Variants in HDAC4 observed in about 807,000 individuals in gnomAD.
HDAC4 encodes the protein histone deacetylase A.
In HDAC4, 16 loss-of-function variants were observed where a neutral mutation model predicts 135.1. The observed-to-expected ratio is 0.12, with a 90% CI of 0.08 to 0.18. The LOEUF (loss-of-function observed/expected upper bound fraction) is 0.18. Ranked by LOEUF, HDAC4 falls within the 10% of genes least tolerant of loss-of-function variation. The probability of loss-of-function intolerance (pLI) is 1.00; values close to 1 mark genes in which losing one functional copy is unlikely to be tolerated. For missense variants in HDAC4, 1,143 were observed against 1,511.8 expected (o/e 0.76, Z 4.05); for synonymous variants, 685 against 653.4 (o/e 1.05, Z -0.74).
rs1175304628 is a variant in HDAC4 at position 239,066,809 on chromosome 2, C to T, written c.2916G>A (p.Arg972=). 2 of 1,613,368 alleles carry T rather than the reference C, an allele frequency of 1.2e-6. No individual in the cohort carries two copies. The highest frequency in any genetic ancestry group is 2.7e-5 in the African/African-American group (2 of 74,922). The change falls in exon 24 of 27, where the codon CGG becomes CGA. Residue 972 remains arginine (R), a synonymous_variant. Transcript: ENST00000543185. ...TKQLMGLAGG[R]IVLALEGGHD... ...GGCCTCCCTCGAGGGCCAGGACAAT[C>T]CGGCCGCCAGCCAGGCCCATCAGCT...
At chr2:239,249,077 G>C (rs917526192) in intron 2 of HDAC4, among the ~76,000 whole-genome samples, 2 of 152,232 alleles carry the variant, frequency 1.3e-5, no homozygotes, top group Non-Finnish European at 2.9e-5. Flanking sequence ...TAGACAAAGT[G>C]ACCTGAGAGG....
chr2:239,381,391 G>A (rs1284349972), intron 1 of HDAC4, among the ~76,000 whole-genome samples: 4 of 148,844 alleles, frequency 2.7e-5, no homozygotes, highest in African/African-American at 7.9e-5. Flanking sequence ...CTGGGGAATC[G>A]AAACCCATTT....
chr2:239,142,186 C>T (rs2041423453), intron 8 of HDAC4, among the ~76,000 whole-genome samples: 1 of 152,154 alleles, frequency 6.6e-6, no homozygotes, highest in Non-Finnish European at 1.5e-5. Context: ...TTGTGCTCTA[C>T]AGTAGACACC....
chr2:239,102,744 C>T (rs922914363), intron 16 of HDAC4, 32 bp downstream of exon 16: 4 of 1,613,208 alleles, frequency 2.5e-6, no homozygotes, highest in Non-Finnish European at 3.4e-6. Flanking sequence ...ACTTCAAACC[C>T]AATATGGGAG....
chr2:239,240,809 C>T lies in HDAC4; in HGVS notation c.23-4145G>A, dbSNP rs57446864. Among the ~76,000 whole-genome samples, 3,222 of 152,298 alleles carry T rather than the reference C, an allele frequency of 0.021. 113 individuals are homozygous for T. Among genetic ancestry groups the T allele is most frequent in the African/African-American group, 0.074 (3,077 of 41,542 alleles). On this transcript the variant is annotated intron_variant, in intron 2 of 26. Transcript: ENST00000543185. This position sits in a 1 kb window ranked among gnomAD's most constrained non-coding sequence, Gnocchi z 4.5. ...CATCACTCTTGCCAGGAGTCCCTTTCGCGCCGACAGGACCCAGCCTGAACT... is the reference window on the plus strand; with the variant it reads ...CATCACTCTTGCCAGGAGTCCCTTTTGCGCCGACAGGACCCAGCCTGAACT...
intron 2 of HDAC4, among the ~76,000 whole-genome samples, chr2:239,286,370 C>A (rs1006336400): frequency 6.6e-6 from 1 of 152,114 alleles, no homozygotes; most frequent in Non-Finnish European, 1.5e-5. Flanking sequence ...AAGATCCTGA[C>A]GAAGAAATCA....
chr2:239,053,346 T>G, intron 26 of HDAC4, 114 bp downstream of exon 26: 1 of 1,442,068 alleles, frequency 6.9e-7, no homozygotes, highest in Admixed American at 1.9e-5. Flanking sequence ...CACTGGCCTG[T>G]CTCTAGTCTG....
rs369688304 is a variant in HDAC4, at chr2:239,134,896, G to A, written c.979-253C>T. ...CTGTCACCTTGTCCAGCATCATCTC[G>A]TTGATTTCTATTCAGTTTGATTATT... On this transcript the variant is annotated intron_variant, in intron 9 of 26. Transcript: ENST00000543185. 5.9e-5 allele frequency among the ~76,000 whole-genome samples: 9 copies of A among 152,242 alleles called. No individual in the cohort carries two copies. In the South Asian group the frequency reaches 8.3e-4, roughly 14 times the overall value.
chr2:239,337,213 G>A (rs1032255884), intron 2 of HDAC4, among the ~76,000 whole-genome samples: 9 of 152,188 alleles, frequency 5.9e-5, no homozygotes, highest in Non-Finnish European at 8.8e-5. Context: ...GGCTCCAAGG[G>A]AGGGAGTGGA....
intron 3 of HDAC4, among the ~76,000 whole-genome samples, chr2:239,231,245 T>C (rs112890249): frequency 4.6e-5 from 7 of 152,224 alleles, no homozygotes; most frequent in African/African-American, 1.7e-4. Flanking sequence ...CAGGAAACCG[T>C]GGAACGTGCT....
rs1444724855 is a variant in HDAC4, at chr2:239,139,505, G to C, written c.978+179C>G. Among the ~76,000 whole-genome samples the C allele has an allele frequency of 6.6e-6, 1 of 152,250 alleles. No homozygotes were observed. The highest frequency in any genetic ancestry group is 2.4e-5 in the African/African-American group (1 of 41,472). On this transcript the variant is annotated intron_variant, in intron 9 of 26. Transcript: ENST00000543185. The surrounding 1 kb of genome is among the most constrained non-coding windows in gnomAD (Gnocchi z 5.3). Reference sequence around the variant, plus strand: ...ATGAAAGGAGATGTCTGTGATGAGAGGAAGGCAGGAGAGTAACCTCCAACT... The same window carrying C: ...ATGAAAGGAGATGTCTGTGATGAGACGAAGGCAGGAGAGTAACCTCCAACT...
At chr2:239,294,163 A>G (rs1269058264) in intron 2 of HDAC4, among the ~76,000 whole-genome samples, 2 of 152,168 alleles carry the variant, frequency 1.3e-5, no homozygotes, top group Non-Finnish European at 2.9e-5. Flanking sequence ...GAGGCGTCAC[A>G]TTTACGCTAA....
chr2:239,203,364 A>G (rs2045871461), intron 3 of HDAC4, among the ~76,000 whole-genome samples: 1 of 152,248 alleles, frequency 6.6e-6, no homozygotes, highest in Non-Finnish European at 1.5e-5. Flanking sequence ...AAGGATAAAA[A>G]TACGTTTGAC....
At position 239,067,405 on chromosome 2, in the gene HDAC4, G is replaced by A. The variant is rs373720934; in HGVS notation, c.2870-550C>T. The stretch of plus-strand genomic sequence containing the variant: ...TCACCACCCTCAGCCAGGCCAGGCC[G>A]GTGCTGATTAGAGAGCCCGGAACCA... On this transcript the variant is annotated intron_variant, in intron 23 of 26. Coordinates refer to ENST00000543185, the MANE Select transcript of HDAC4 (RefSeq NM_001378414.1). Among the ~76,000 whole-genome samples the A allele has an allele frequency of 5.4e-4, 82 of 152,306 alleles. 2 individuals are homozygous for A. In the East Asian group the frequency reaches 6.8e-3, roughly 13 times the overall value.
At chr2:239,126,064 C>A (rs923681521) in intron 12 of HDAC4, among the ~76,000 whole-genome samples, 1 of 152,212 alleles carries the variant, frequency 6.6e-6, no homozygotes, top group Non-Finnish European at 1.5e-5. Flanking sequence ...CCTTAGGAAA[C>A]CCAAGAAAAA....
intron 3 of HDAC4, among the ~76,000 whole-genome samples, chr2:239,205,222 A>G (rs1311419164): frequency 6.6e-6 from 1 of 152,226 alleles, no homozygotes; most frequent in Non-Finnish European, 1.5e-5. Context: ...ATGGCTGACA[A>G]TTTTCCAGAA....
At position 239,052,545 on chromosome 2, in the gene HDAC4, A is replaced by AC. The variant is rs138972866; in HGVS notation, c.*551dup. ...CCCTCTGTCCCCCACCCGGGTGCAG[A>AC]CCCCCCGCCGCACACCGCTATGGTT... On this transcript the variant is annotated 3_prime_UTR_variant, in exon 27 of 27. Coordinates refer to ENST00000543185, the MANE Select transcript of HDAC4 (RefSeq NM_001378414.1). The AC allele has an allele frequency of 0.15, 22,288 of 152,086 alleles. 1,839 individuals carry two copies. The highest frequency in any genetic ancestry group is 0.22 in the African/African-American group (9,106 of 40,696). 9.4% of individuals were successfully genotyped at this position (152,086 alleles called of 1,614,324 possible).
intron 9 of HDAC4, among the ~76,000 whole-genome samples, chr2:239,135,392 G>A (rs544344137): frequency 6.6e-5 from 10 of 152,154 alleles, no homozygotes; most frequent in Non-Finnish European, 1.0e-4. Flanking sequence ...AAAAGCACGC[G>A]GTGAGGACCA....
At chr2:239,160,632 G>A (rs1293356235) in intron 6 of HDAC4, among the ~76,000 whole-genome samples, 1 of 152,246 alleles carries the variant, frequency 6.6e-6, no homozygotes, top group Non-Finnish European at 1.5e-5. Flanking sequence ...GCTGCTGCAG[G>A]CGCCAGCGGT....
Sources: allele counts gnomAD v4.1 joint callset (sites outside exome capture counted in the v4.1 genomes callset), GRCh38; gene constraint gnomAD v4.1.1; non-coding constraint Gnocchi (gnomAD v3.1); transcripts MANE v1.5; gene names NCBI Gene and HGNC (gene_info 2026-07-23, HGNC 2026-07-21).